REDIC1: variants seen among roughly 807,000 people sequenced by gnomAD.
The protein encoded by REDIC1 is regulator of DNA class I crossover intermediates 1.
the REDIC1 span, among the ~76,000 whole-genome samples, chr12:39,900,417 A>T: frequency 6.6e-6 from 1 of 152,178 alleles, no homozygotes; most frequent in African/African-American, 2.4e-5. Flanking sequence ...TGCAGATGAC[A>T]TGATCGTATA....
the REDIC1 span, among the ~76,000 whole-genome samples, chr12:39,880,901 T>C: frequency 7.9e-5 from 12 of 152,182 alleles, no homozygotes; most frequent in Admixed American, 1.3e-4. Flanking sequence ...ATTTGCCACA[T>C]TGACCTATTA....
chr12:39,712,941 G>A, the REDIC1 span, among the ~76,000 whole-genome samples: 2 of 142,878 alleles, frequency 1.4e-5, no homozygotes, highest in Admixed American at 7.0e-5. Flanking sequence ...GTGTATATAC[G>A]TGTATATACA....
At chr12:39,756,977 A>G in the REDIC1 span, 2 of 151,682 alleles carry the variant, frequency 1.3e-5, no homozygotes. Flanking sequence ...TTTATTATTT[A>G]AATATTTTAC....
the REDIC1 span, among the ~76,000 whole-genome samples, chr12:39,864,516 G>C: frequency 6.6e-6 from 1 of 152,068 alleles, no homozygotes; most frequent in African/African-American, 2.4e-5. Context: ...TTAATTTCCA[G>C]AGAAACATCA....
the REDIC1 span, chr12:39,626,498 T>TGG: frequency 5.5e-6 from 6 of 1,095,478 alleles, no homozygotes; most frequent in Non-Finnish European, 8.0e-6. Context: ...CAAATCGGGT[T>TGG]GGAGACTCTA....
the REDIC1 span, among the ~76,000 whole-genome samples, chr12:39,795,317 TAC>T: frequency 1.3e-5 from 2 of 152,176 alleles, no homozygotes; most frequent in Non-Finnish European, 2.9e-5. Flanking sequence ...CTGATAAATC[TAC>T]ACAGTTTTAA....
At chr12:39,761,288 G>A in the REDIC1 span, among the ~76,000 whole-genome samples, 20,323 of 151,934 alleles carry the variant, frequency 0.13, 1,634 homozygotes, top group East Asian at 0.39. Flanking sequence ...AGTGTTGGCA[G>A]TTTATGATTC....
the REDIC1 span, among the ~76,000 whole-genome samples, chr12:39,653,554 C>CT: frequency 0.031 from 2,721 of 87,560 alleles, 475 homozygotes; most frequent in Non-Finnish European, 0.036. Flanking sequence ...TCTTCTTCTT[C>CT]TTCTTTCTTC....
the REDIC1 span, among the ~76,000 whole-genome samples, chr12:39,653,572 T>TCTTCTTCTTCTTCTTTTTC: frequency 1.4e-5 from 1 of 72,818 alleles, no homozygotes; most frequent in African/African-American, 4.3e-5. Context: ...TTCTTCTTCT[T>TCTTCTTCTTCTTCTTTTTC]TTTCTTCCTC....
At chr12:39,646,551 C>T in the REDIC1 span, 11 of 1,253,060 alleles carry the variant, frequency 8.8e-6, no homozygotes, top group Non-Finnish European at 1.2e-5. Flanking sequence ...AAATACTTAC[C>T]TTCTACCCCC....
At chr12:39,650,143 ATG>A in the REDIC1 span, 2 of 1,221,200 alleles carry the variant, frequency 1.6e-6, no homozygotes, top group Non-Finnish European at 2.1e-6. This position sits in a 1 kb window ranked among gnomAD's most constrained non-coding sequence, Gnocchi z 4.3. Flanking sequence ...TAAAATATAA[ATG>A]TAGTTCATTT....
At chr12:39,892,534 G>C in the REDIC1 span, among the ~76,000 whole-genome samples, 12 of 152,226 alleles carry the variant, frequency 7.9e-5, no homozygotes, top group African/African-American at 2.9e-4. Context: ...TTAAACTACT[G>C]TAATCTTAAT....
At chr12:39,725,419 G>C in the REDIC1 span, among the ~76,000 whole-genome samples, 1 of 152,184 alleles carries the variant, frequency 6.6e-6, no homozygotes, top group East Asian at 1.9e-4. Flanking sequence ...TTGTATCCCT[G>C]TTTGCTTTTC....
At chr12:39,739,327 G>A in the REDIC1 span, among the ~76,000 whole-genome samples, 1 of 152,164 alleles carries the variant, frequency 6.6e-6, no homozygotes, top group African/African-American at 2.4e-5. Flanking sequence ...TTCTCAATGA[G>A]TTTTTAATTT....
chr12:39,668,103 T>G, the REDIC1 span, among the ~76,000 whole-genome samples: 94 of 152,192 alleles, frequency 6.2e-4, no homozygotes, highest in African/African-American at 2.1e-3. Context: ...ATTTGATCCT[T>G]TCATTATGAT....
At chr12:39,786,387 C>CCTCCCCAGCCATGATTCTGAGGA in the REDIC1 span, among the ~76,000 whole-genome samples, 1 of 152,174 alleles carries the variant, frequency 6.6e-6, no homozygotes, top group Non-Finnish European at 1.5e-5. Context: ...GATTCTGAGG[C>CCTCCCCAGCCATGATTCTGAGGA]CTCCCCAGCC....
the REDIC1 span, among the ~76,000 whole-genome samples, chr12:39,732,423 G>A: frequency 2.0e-5 from 3 of 152,042 alleles, no homozygotes; most frequent in African/African-American, 4.8e-5. Context: ...TAGGAGGCTC[G>A]TAATGTCTGT....
the REDIC1 span, among the ~76,000 whole-genome samples, chr12:39,824,983 CTG>C: frequency 6.6e-6 from 1 of 152,102 alleles, no homozygotes; most frequent in African/African-American, 2.4e-5. Flanking sequence ...TGACTAGAAT[CTG>C]TGTGGGAGAG....
chr12:39,818,101 T>G, the REDIC1 span, among the ~76,000 whole-genome samples: 2 of 152,166 alleles, frequency 1.3e-5, no homozygotes, highest in Admixed American at 6.6e-5. Context: ...AGAGCCCCCT[T>G]GGGCCACTCC....
Sources: gnomAD v4.1 joint callset for allele counts (sites outside exome capture counted in the v4.1 genomes callset) on GRCh38, gnomAD v4.1.1 for gene constraint, Gnocchi (gnomAD v3.1) non-coding constraint, MANE v1.5 for transcripts, NCBI Gene and HGNC (gene_info 2026-07-23, HGNC 2026-07-21) for gene names.